DTNA: variants seen among roughly 807,000 people sequenced by gnomAD.
The protein encoded by DTNA is dystrophin-related protein 3.
In DTNA, 43 loss-of-function variants were observed where a neutral mutation model predicts 100.7. The ratio of observed to expected loss-of-function variants is 0.43; its 90% CI spans 0.33 to 0.55. The LOEUF (loss-of-function observed/expected upper bound fraction) is 0.55. Among genes scored for constraint, DTNA ranks in the 20% least tolerant of loss-of-function variants. The probability of loss-of-function intolerance (pLI) is 0.04; values close to 1 mark genes in which losing one functional copy is unlikely to be tolerated. For missense variants in DTNA, 798 were observed against 953.9 expected (o/e 0.84, Z 2.15); for synonymous variants, 349 against 347.9 (o/e 1.00, Z -0.04).
At chr18:34,811,606 C>T (rs781158354) in intron 5 of DTNA, among the ~76,000 whole-genome samples, 3 of 152,142 alleles carry the variant, frequency 2.0e-5, no homozygotes, top group Non-Finnish European at 4.4e-5. Flanking sequence ...ATGAAGTCAG[C>T]GTCTCTCTCA....
At chr18:34,711,119 AC>A (rs1461658365) in intron 1 of DTNA, among the ~76,000 whole-genome samples, 1 of 151,978 alleles carries the variant, frequency 6.6e-6, no homozygotes, top group Non-Finnish European at 1.5e-5. Flanking sequence ...TGCAAAATGA[AC>A]TCTTTTGCTT....
At chr18:34,651,089 C>A (rs1349208710) in intron 1 of DTNA, among the ~76,000 whole-genome samples, 1 of 152,104 alleles carries the variant, frequency 6.6e-6, no homozygotes, top group Non-Finnish European at 1.5e-5. Context: ...AAACAGAATG[C>A]CCCATATTTT....
chr18:34,831,823 C>A (rs1321977411), intron 11 of DTNA, among the ~76,000 whole-genome samples: 1 of 152,176 alleles, frequency 6.6e-6, no homozygotes, highest in Non-Finnish European at 1.5e-5. Flanking sequence ...AGGGAGAGTG[C>A]ACCCACCCCA....
chr18:34,769,633 T>C (rs954728815), intron 3 of DTNA, among the ~76,000 whole-genome samples: 1 of 151,754 alleles, frequency 6.6e-6, no homozygotes, highest in African/African-American at 2.4e-5. Context: ...ACTGCCAGAT[T>C]TGGTATCTAG....
chr18:34,866,329 C>T, intron 17 of DTNA: 1 of 1,443,004 alleles, frequency 6.9e-7, no homozygotes, highest in South Asian at 1.5e-5. Context: ...ACTATCACTA[C>T]TATCCACATC....
At chr18:34,875,927 G>A (rs1047389683) in intron 18 of DTNA, among the ~76,000 whole-genome samples, 2 of 152,228 alleles carry the variant, frequency 1.3e-5, no homozygotes. Context: ...AGAGGGATGG[G>A]GATGCCAGCC....
intron 17 of DTNA, chr18:34,867,886 C>T (rs2096723717): frequency 4.1e-6 from 4 of 985,404 alleles, no homozygotes; most frequent in Non-Finnish European, 4.8e-6. Flanking sequence ...ACTGCGGTGT[C>T]GGTACCCAAG....
At chr18:34,799,438 T>C (rs1382866216) in intron 4 of DTNA, among the ~76,000 whole-genome samples, 1 of 152,196 alleles carries the variant, frequency 6.6e-6, no homozygotes, top group Non-Finnish European at 1.5e-5. Context: ...ACCATTTCTC[T>C]GCACCAAAAA....
chr18:34,579,894 G>T (rs2048456113), intron 1 of DTNA, among the ~76,000 whole-genome samples: 1 of 151,978 alleles, frequency 6.6e-6, no homozygotes, highest in African/African-American at 2.4e-5. Flanking sequence ...ATCTTTTCAG[G>T]TATTTCTTCT....
chr18:34,851,515 A>G (rs1256071496), intron 14 of DTNA, among the ~76,000 whole-genome samples: 1 of 152,220 alleles, frequency 6.6e-6, no homozygotes, highest in Non-Finnish European at 1.5e-5. Context: ...AATAGGTACA[A>G]TGGGGACAGT....
intron 3 of DTNA, among the ~76,000 whole-genome samples, chr18:34,788,739 G>C (rs1418732621): frequency 6.6e-6 from 1 of 152,164 alleles, no homozygotes; most frequent in Non-Finnish European, 1.5e-5. Context: ...CTGCTTTTGT[G>C]GCTGCAATGC....
chr18:34,692,063 C>A (rs537073052), intron 1 of DTNA, among the ~76,000 whole-genome samples: 59 of 152,294 alleles, frequency 3.9e-4, no homozygotes, highest in African/African-American at 1.3e-3. Context: ...TCTTTTTCTT[C>A]TGAATTTTTC....
intron 1 of DTNA, among the ~76,000 whole-genome samples, chr18:34,593,135 T>C (rs1456055013): frequency 2.0e-5 from 3 of 152,166 alleles, no homozygotes; most frequent in Non-Finnish European, 2.9e-5. Flanking sequence ...TATCCGTCAA[T>C]GAAAGCATCT....
intron 1 of DTNA, among the ~76,000 whole-genome samples, chr18:34,559,278 G>T (rs1264108634): frequency 6.6e-6 from 1 of 152,190 alleles, no homozygotes; most frequent in Non-Finnish European, 1.5e-5. Context: ...ACTCACAGTT[G>T]TTTAATTGCT....
intron 1 of DTNA, among the ~76,000 whole-genome samples, chr18:34,660,006 A>G (rs766726218): frequency 6.6e-6 from 1 of 152,254 alleles, no homozygotes; most frequent in Non-Finnish European, 1.5e-5. Flanking sequence ...AGCTTTTAAA[A>G]GCAATTGTAT....
At chr18:34,505,424 A>T (rs892849837) in intron 1 of DTNA, among the ~76,000 whole-genome samples, 5 of 152,228 alleles carry the variant, frequency 3.3e-5, no homozygotes, top group Non-Finnish European at 7.3e-5. Flanking sequence ...TTCCATTCAC[A>T]GCTTCCAGGG....
At chr18:34,765,647 G>A (rs2093429014) in intron 2 of DTNA, among the ~76,000 whole-genome samples, 1 of 152,152 alleles carries the variant, frequency 6.6e-6, no homozygotes, top group African/African-American at 2.4e-5. Context: ...CTGTTTCACT[G>A]TAGGTCACAG....
At position 34,653,727 on chromosome 18, in the gene DTNA, C is replaced by T. The variant is rs1416154839; in HGVS notation, c.-1-102249C>T. ...AGTCCCAGCTACTTGGAGGCTGAGGCATGAGAATCGCTTGAACCCAGGAGG... is the reference window on the plus strand; with the variant it reads ...AGTCCCAGCTACTTGGAGGCTGAGGTATGAGAATCGCTTGAACCCAGGAGG... On this transcript the variant is annotated intron_variant, in intron 1 of 19. Coordinates refer to the DTNA transcript ENST00000283365. 4.6e-5 allele frequency among the ~76,000 whole-genome samples: 7 copies of T among 152,200 alleles called. No homozygotes were observed. The South Asian group carries it at 1.0e-3, about 23-fold the overall frequency.
chr18:34,820,216 T>C (rs1242876400), intron 8 of DTNA, among the ~76,000 whole-genome samples: 3 of 152,074 alleles, frequency 2.0e-5, no homozygotes, highest in Non-Finnish European at 2.9e-5. Flanking sequence ...ACCTGAAACA[T>C]CTTTCTTGCA....
Sources: allele counts gnomAD v4.1 joint callset (sites outside exome capture counted in the v4.1 genomes callset), GRCh38; gene constraint gnomAD v4.1.1; transcripts MANE v1.5; gene names NCBI Gene and HGNC (gene_info 2026-07-23, HGNC 2026-07-21).